ZNRF1: variants seen among roughly 807,000 people sequenced by gnomAD.
The protein encoded by ZNRF1 is zinc and ring finger 1.
In ZNRF1, 3 loss-of-function variants were observed where a neutral mutation model predicts 18.4. The ratio of observed to expected loss-of-function variants is 0.16; its 90% confidence interval spans 0.07 to 0.42. The LOEUF is 0.42. Among genes scored for constraint, ZNRF1 ranks in the 10% least tolerant of loss-of-function variants. ZNRF1 has a pLI of 0.99. For missense variants in ZNRF1, 310 were observed against 329.8 expected (o/e 0.94, Z 0.47); for synonymous variants, 157 against 144.2 (o/e 1.09, Z -0.64).
chr16:75,067,206 G>A (rs1316222950), intron 1 of ZNRF1, among the ~76,000 whole-genome samples: 1 of 152,174 alleles, frequency 6.6e-6, no homozygotes, highest in East Asian at 1.9e-4. Context: ...GGTTGACTCA[G>A]GGCTCCCACA....
At position 75,050,041 on chromosome 16, in the gene ZNRF1, T is replaced by C. The variant is rs74647557; in HGVS notation, c.425-43531T>C. ...CAGCCACTAGTCTCTTCTCCAGCTC[T>C]AGAATTTCATCATTTCAGTAATGCT... is the stretch of plus-strand genomic sequence containing the variant. On this transcript the variant is annotated intron_variant, in intron 1 of 4. Coordinates refer to ENST00000335325, the MANE Select transcript of ZNRF1 (RefSeq NM_032268.5). Among the ~76,000 whole-genome samples, 598 of 152,300 alleles carry C rather than the reference T, an allele frequency of 3.9e-3. 1 individual carries two copies. Among genetic ancestry groups the C allele is most frequent in the Middle Eastern group, 0.014 (4 of 294 alleles).
At chr16:75,095,914 CG>C (rs2036192342) in intron 2 of ZNRF1, among the ~76,000 whole-genome samples, 1 of 152,166 alleles carries the variant, frequency 6.6e-6, no homozygotes, top group Non-Finnish European at 1.5e-5. Flanking sequence ...CACCGGGAGC[CG>C]GGCCCCCCTT....
chr16:75,077,044 A>T (rs564607605), intron 1 of ZNRF1, among the ~76,000 whole-genome samples: 1 of 152,204 alleles, frequency 6.6e-6, no homozygotes, highest in African/African-American at 2.4e-5. Context: ...ACTGACTAAG[A>T]TATCCTGCTT....
chr16:75,034,292 C>G (rs2035349046), intron 1 of ZNRF1, among the ~76,000 whole-genome samples: 1 of 152,346 alleles, frequency 6.6e-6, no homozygotes, highest in African/African-American at 2.4e-5. Context: ...ACCCATTAAA[C>G]AACTGCTTTC....
In ZNRF1 at chr16:74,999,310, C is replaced by T. The variant is rs866618297; in HGVS notation, c.-362C>T. On this transcript the variant is annotated 5_prime_UTR_variant, in exon 1 of 5. Transcript: ENST00000335325. Reference sequence around the variant, plus strand: ...GGCCTCCTCCGGCGCCTCCCCGCGCCCGCCCGCCGCTCGCCGCCGCCTCCC... The same window carrying T: ...GGCCTCCTCCGGCGCCTCCCCGCGCTCGCCCGCCGCTCGCCGCCGCCTCCC... 13 of 151,634 alleles carry T rather than the reference C, an allele frequency of 8.6e-5. No homozygotes were observed. The highest frequency in any genetic ancestry group is 2.0e-4 in the South Asian group (1 of 5,110). The allele number at this position is 151,634 out of a possible 1,614,324, so 9.4% of individuals were successfully genotyped here. A position where few individuals can be genotyped will look rare whatever the true frequency, so the allele number is the denominator to read the frequency against.
intron 1 of ZNRF1, among the ~76,000 whole-genome samples, chr16:75,050,527 A>G (rs890067834): frequency 1.3e-5 from 2 of 151,328 alleles, no homozygotes; most frequent in African/African-American, 4.9e-5. Context: ...CCTTGTCTCA[A>G]CAATCAATCA....
chr16:75,105,054 C>T lies in ZNRF1; in HGVS notation c.626+165C>T, dbSNP rs111632588. 1.3e-3 allele frequency: 780 copies of T among 581,206 alleles called. 9 individuals are homozygous for T. The Admixed American group carries it at 0.019, about 14-fold the overall frequency. The allele number at this position is 581,206 out of a possible 1,614,324, so 36.0% of individuals were successfully genotyped here. On this transcript the variant is annotated intron_variant, in intron 3 of 4. Coordinates refer to ENST00000335325, the MANE Select transcript of ZNRF1 (RefSeq NM_032268.5). ...ATCAGACAGGTGTCCACTGTGCCGG[C>T]GGGAAGGTGCGAGCATCCCAAGTGC...
chr16:75,031,716 G>T (rs866856752), intron 1 of ZNRF1, among the ~76,000 whole-genome samples: 12 of 152,138 alleles, frequency 7.9e-5, no homozygotes, highest in Admixed American at 1.3e-4. Context: ...TGCCCAGGCT[G>T]TTCTCGAACT....
At chr16:75,055,689 G>A (rs2035658678) in intron 1 of ZNRF1, among the ~76,000 whole-genome samples, 1 of 152,226 alleles carries the variant, frequency 6.6e-6, no homozygotes, top group African/African-American at 2.4e-5. Context: ...AAAGGCATAA[G>A]AATGCTGCAG....
At chr16:75,031,789 A>G (rs1340512952) in intron 1 of ZNRF1, among the ~76,000 whole-genome samples, 1 of 152,192 alleles carries the variant, frequency 6.6e-6, no homozygotes, top group Non-Finnish European at 1.5e-5. Flanking sequence ...GGCGTGAGCC[A>G]CCACACCCGG....
At chr16:75,008,040 A>C (rs2034945397) in intron 1 of ZNRF1, among the ~76,000 whole-genome samples, 1 of 151,390 alleles carries the variant, frequency 6.6e-6, no homozygotes, top group African/African-American at 2.4e-5. Context: ...TAATTTTTTT[A>C]CTTTTTTTTT....
rs117729209 is a variant in ZNRF1 at position 75,088,805 on chromosome 16, T to C, written c.425-4767T>C. Among the ~76,000 whole-genome samples the C allele has an allele frequency of 7.3e-3, 1,115 of 152,308 alleles. 8 individuals are homozygous for C. Among genetic ancestry groups the C allele is most frequent in the Middle Eastern group, 0.027 (8 of 294 alleles). The stretch of plus-strand genomic sequence containing the variant: ...ACATGTAAAGCACCATGGCTGTCCA[T>C]AGTAATGACTCAATAAATGCAAACT... On this transcript the variant is annotated intron_variant, in intron 1 of 4. Coordinates refer to ENST00000335325, the MANE Select transcript of ZNRF1 (RefSeq NM_032268.5).
chr16:75,032,286 T>C (rs1404911025), intron 1 of ZNRF1, among the ~76,000 whole-genome samples: 2 of 132,186 alleles, frequency 1.5e-5, no homozygotes, highest in Non-Finnish European at 3.6e-5. Context: ...AGTTTTGTAT[T>C]TTTGTAGAGA....
chr16:75,061,496 TTA>T, intron 1 of ZNRF1, among the ~76,000 whole-genome samples: 1 of 128,166 alleles, frequency 7.8e-6, no homozygotes, highest in East Asian at 2.6e-4. Flanking sequence ...TCACTCTTTT[TTA>T]TGGGTGAATC....
chr16:75,049,717 G>A (rs763520069), intron 1 of ZNRF1, among the ~76,000 whole-genome samples: 13 of 152,048 alleles, frequency 8.5e-5, no homozygotes, highest in Admixed American at 3.9e-4. Context: ...TTGTACCTTC[G>A]CCCGGTTTTC....
At chr16:75,101,700 T>C (rs1321223141) in intron 2 of ZNRF1, among the ~76,000 whole-genome samples, 1 of 152,212 alleles carries the variant, frequency 6.6e-6, no homozygotes, top group African/African-American at 2.4e-5. Flanking sequence ...TTATCAGGGT[T>C]TTTAACTAAA....
At chr16:75,081,090 G>T (rs1330162445) in intron 1 of ZNRF1, among the ~76,000 whole-genome samples, 2 of 151,074 alleles carry the variant, frequency 1.3e-5, no homozygotes, top group Non-Finnish European at 3.0e-5. Flanking sequence ...GGAGAATGGC[G>T]TGAACCCGGG....
At chr16:75,086,526 T>G (rs1324447918) in intron 1 of ZNRF1, among the ~76,000 whole-genome samples, 1 of 152,226 alleles carries the variant, frequency 6.6e-6, no homozygotes, top group Non-Finnish European at 1.5e-5. Context: ...TTTCACTTAT[T>G]TCTGTGTTGA....
chr16:75,006,179 A>G (rs974759064), intron 1 of ZNRF1, among the ~76,000 whole-genome samples: 7 of 152,312 alleles, frequency 4.6e-5, no homozygotes, highest in South Asian at 4.1e-4. Flanking sequence ...ACCACGGGTA[A>G]CTGAAACTAT....
Sources: allele counts gnomAD v4.1 joint callset (sites outside exome capture counted in the v4.1 genomes callset), GRCh38; gene constraint gnomAD v4.1.1; transcripts MANE v1.5; gene names NCBI Gene and HGNC (gene_info 2026-07-23, HGNC 2026-07-21).